DENND1B: variants seen among roughly 807,000 people sequenced by gnomAD.
DENND1B encodes the protein DENN domain-containing protein 1B.
DENND1B carries 59 observed loss-of-function variants against 90.1 expected under a neutral mutation model. The ratio of observed to expected loss-of-function variants is 0.65; its 90% CI spans 0.53 to 0.81. The LOEUF (loss-of-function observed/expected upper bound fraction) is 0.81. DENND1B is among the 40% of genes least tolerant of loss of function. The probability of loss-of-function intolerance (pLI) is 0.00; values close to 1 mark genes in which losing one functional copy is unlikely to be tolerated. For synonymous variants in DENND1B, 337 were observed against 324.6 expected, an observed-to-expected ratio of 1.04 and a Z score of -0.41; for missense variants, 862 against 912.6, an observed-to-expected ratio of 0.94 and a Z score of 0.71.
chr1:197,647,481 C>T (rs967791215), intron 7 of DENND1B, among the ~76,000 whole-genome samples: 1 of 152,124 alleles, frequency 6.6e-6, no homozygotes, highest in African/African-American at 2.4e-5. Context: ...AATCTTACAT[C>T]ATAAAACTAA....
At chr1:197,680,350 A>T (rs1656554510) in intron 3 of DENND1B, among the ~76,000 whole-genome samples, 1 of 152,232 alleles carries the variant, frequency 6.6e-6, no homozygotes, top group African/African-American at 2.4e-5. Flanking sequence ...TAGATCATAA[A>T]ATAGAACACT....
intron 6 of DENND1B, among the ~76,000 whole-genome samples, chr1:197,656,039 T>A (rs758625778): frequency 2.0e-5 from 3 of 152,118 alleles, no homozygotes; most frequent in Non-Finnish European, 4.4e-5. Flanking sequence ...TCATGCTGCA[T>A]ACAAGTTTAA....
At chr1:197,538,306 GA>G (rs1214101608) in intron 20 of DENND1B, among the ~76,000 whole-genome samples, 2 of 151,444 alleles carry the variant, frequency 1.3e-5, no homozygotes, top group African/African-American at 4.8e-5. Context: ...TTAGTGGTGG[GA>G]AAAAAAACAA....
chr1:197,572,731 A>G (rs1421809512), intron 15 of DENND1B, among the ~76,000 whole-genome samples: 2 of 152,146 alleles, frequency 1.3e-5, no homozygotes, highest in Non-Finnish European at 2.9e-5. Flanking sequence ...TCAGGCAGCA[A>G]TATTTACTGT....
upstream of DENND1B, among the ~76,000 whole-genome samples, chr1:197,778,398 G>T (rs1348928364): frequency 3.9e-5 from 6 of 152,106 alleles, no homozygotes; most frequent in Non-Finnish European, 8.8e-5. Context: ...ATTTAGGCTG[G>T]GCGCAGTGGC....
chr1:197,593,411 A>G (rs1380083146), intron 14 of DENND1B, among the ~76,000 whole-genome samples: 1 of 151,836 alleles, frequency 6.6e-6, no homozygotes, highest in African/African-American at 2.4e-5. Context: ...TGTAAAAAGA[A>G]AAAAATGTAG....
chr1:197,780,651 C>G (rs570136377), upstream of DENND1B, among the ~76,000 whole-genome samples: 67 of 152,224 alleles, frequency 4.4e-4, no homozygotes, highest in African/African-American at 1.4e-3. Flanking sequence ...TCCTCCACCC[C>G]TAAGTATTCT....
chr1:197,603,385 C>A (rs576425526), intron 13 of DENND1B, among the ~76,000 whole-genome samples: 2 of 151,338 alleles, frequency 1.3e-5, no homozygotes, highest in African/African-American at 2.4e-5. Context: ...CCTCTATGAA[C>A]TGAATCTATA....
At chr1:197,756,978 T>C (rs1361255820) in intron 2 of DENND1B, among the ~76,000 whole-genome samples, 1 of 150,358 alleles carries the variant, frequency 6.7e-6, no homozygotes, top group Non-Finnish European at 1.5e-5. Flanking sequence ...CATTATATGT[T>C]AAATATATTT....
At chr1:197,686,504 G>A (rs1487829034) in intron 3 of DENND1B, among the ~76,000 whole-genome samples, 1 of 152,084 alleles carries the variant, frequency 6.6e-6, no homozygotes, top group Non-Finnish European at 1.5e-5. Context: ...TCTACATTTA[G>A]TAGCCCTTTT....
Position 197,642,709 on chromosome 1 carries a change from A to C in DENND1B, c.672+2T>G. 6.2e-7 allele frequency: 1 copy of C among 1,605,442 alleles called. No homozygotes were observed. The highest frequency in any genetic ancestry group is 8.5e-7 in the Non-Finnish European group (1 of 1,173,638). On this transcript the variant is annotated splice_donor_variant, in intron 10 of 22. Coordinates refer to ENST00000620048, the MANE Select transcript of DENND1B (RefSeq NM_001195215.2). LOFTEE classifies it high-confidence loss of function. The stretch of plus-strand genomic sequence containing the variant: ...TACTTAAAAGAAGTGTGAAGTACTT[A>C]CAGTGCTTAATTTGCTCGAGATAAT...
At position 197,734,627 on chromosome 1, in the gene DENND1B, A is replaced by G. The variant is rs891883902; in HGVS notation, c.83-19553T>C. 37 of 984,802 alleles carry G rather than the reference A, an allele frequency of 3.8e-5. No homozygotes were observed. The African/African-American group carries it at 5.4e-4, about 14-fold the overall frequency. The allele number at this position is 984,802 out of a possible 1,614,324, so 61.0% of individuals were successfully genotyped here. A position where few individuals can be genotyped will look rare whatever the true frequency, so the allele number is the denominator to read the frequency against. ...TTACATTCGTAATTTAAAAAAAAAAACTTTGCAAAATAATCAGAATAGTTC... is the reference window on the plus strand; with the variant it reads ...TTACATTCGTAATTTAAAAAAAAAAGCTTTGCAAAATAATCAGAATAGTTC... On this transcript the variant is annotated intron_variant, in intron 2 of 22. Transcript: ENST00000620048.
chr1:197,639,430 A>C (rs1680084018), intron 10 of DENND1B, among the ~76,000 whole-genome samples: 1 of 152,174 alleles, frequency 6.6e-6, no homozygotes, highest in Non-Finnish European at 1.5e-5. Flanking sequence ...CTGATTCTCT[A>C]ATGAGAGTGT....
intron 2 of DENND1B, among the ~76,000 whole-genome samples, chr1:197,729,008 G>T (rs538927673): frequency 3.9e-5 from 6 of 152,066 alleles, no homozygotes; most frequent in Non-Finnish European, 7.4e-5. Flanking sequence ...CAATTTCAAG[G>T]ATTTACTTAT....
Position 197,770,064 on chromosome 1 carries a change from G to T in DENND1B, c.82+2804C>A, listed in dbSNP as rs190392099. Among the ~76,000 whole-genome samples, 313 of 152,074 alleles carry T rather than the reference G, an allele frequency of 2.1e-3. 1 individual carries two copies. The highest frequency in any genetic ancestry group is 3.8e-3 in the Non-Finnish European group (260 of 67,962). Reference sequence around the variant, plus strand: ...TACTGATTATAGTTATTACTTGTTAGATCCTAAAATATTAGCCATATTCAT... The same window carrying T: ...TACTGATTATAGTTATTACTTGTTATATCCTAAAATATTAGCCATATTCAT... On this transcript the variant is annotated intron_variant, in intron 2 of 22. Transcript: ENST00000620048.
chr1:197,647,655 A>G (rs1276478246), intron 7 of DENND1B, among the ~76,000 whole-genome samples: 6 of 152,184 alleles, frequency 3.9e-5, no homozygotes, highest in Non-Finnish European at 8.8e-5. Context: ...AATACTTAAG[A>G]TATTATAACT....
At chr1:197,672,230 A>G in intron 4 of DENND1B, 74 bp from the exon 5 acceptor site, 1 of 1,496,706 alleles carries the variant, frequency 6.7e-7, no homozygotes, top group East Asian at 2.4e-5. Context: ...AAATAAGAGT[A>G]TATTTATATG....
chr1:197,541,053 T>C, intron 18 of DENND1B, 38 bp from the exon 19 acceptor site: 17 of 1,566,534 alleles, frequency 1.1e-5, no homozygotes, highest in Non-Finnish European at 1.5e-5. Flanking sequence ...CTCAGGATGG[T>C]TCCATTACCA....
intron 15 of DENND1B, among the ~76,000 whole-genome samples, chr1:197,579,696 T>A (rs944563406): frequency 6.6e-6 from 1 of 152,218 alleles, no homozygotes; most frequent in East Asian, 1.9e-4. Flanking sequence ...ATCAACTTCC[T>A]ATATTTTCCA....
Sources: allele counts gnomAD v4.1 joint callset (sites outside exome capture counted in the v4.1 genomes callset), GRCh38; gene constraint gnomAD v4.1.1; transcripts MANE v1.5; gene names NCBI Gene and HGNC (gene_info 2026-07-23, HGNC 2026-07-21).